The following ZNF438 variants were observed in gnomAD, a reference collection of about 807,000 sequenced individuals.
ZNF438 encodes the protein zinc finger protein 438.
Under a neutral mutation model 38.0 loss-of-function variants are expected in ZNF438, and 25 were observed. The ratio of observed to expected loss-of-function variants is 0.66; its 90% CI spans 0.48 to 0.92. The LOEUF (loss-of-function observed/expected upper bound fraction) is 0.92, where lower values mean the gene tolerates loss of function less well. ZNF438 is among the 40% of genes least tolerant of loss of function. The pLI is 0.00. For missense variants in ZNF438, 1,007 were observed against 999.6 expected, an observed-to-expected ratio of 1.01 and a Z score of -0.10; for synonymous variants, 372 against 364.1, an observed-to-expected ratio of 1.02 and a Z score of -0.25.
At chr10:31,010,438 G>A (rs1471212387) in intron 1 of ZNF438, among the ~76,000 whole-genome samples, 1 of 152,140 alleles carries the variant, frequency 6.6e-6, no homozygotes, top group Non-Finnish European at 1.5e-5. Context: ...ATCCTGGGAA[G>A]ACTAAAGACA....
At chr10:30,985,832 A>C (rs954941752) in intron 1 of ZNF438, among the ~76,000 whole-genome samples, 2 of 152,208 alleles carry the variant, frequency 1.3e-5, no homozygotes, top group East Asian at 3.8e-4. Context: ...TTAGCTGATC[A>C]AACATAACCT....
intron 3 of ZNF438, among the ~76,000 whole-genome samples, chr10:30,897,060 T>G (rs1466810268): frequency 6.6e-6 from 1 of 152,206 alleles, no homozygotes; most frequent in Non-Finnish European, 1.5e-5. Flanking sequence ...GTATACAATA[T>G]TCATACTAGA....
At position 31,023,572 on chromosome 10, in the gene ZNF438, C is replaced by T. The variant is rs149043628; in HGVS notation, c.-192+8261G>A. On this transcript the variant is annotated intron_variant, in intron 1 of 5. Transcript: ENST00000413025. Reference sequence around the variant, plus strand: ...CAAAATCAAAAGTATGTTATATTAGCGCCATAGCTAACATCAACATGTTTG... The same window carrying T: ...CAAAATCAAAAGTATGTTATATTAGTGCCATAGCTAACATCAACATGTTTG... Among the ~76,000 whole-genome samples, 522 of 152,246 alleles carry T rather than the reference C, an allele frequency of 3.4e-3. 2 individuals are homozygous for T. The highest frequency in any genetic ancestry group is 0.017 in the Middle Eastern group (5 of 294).
intron 4 of ZNF438, among the ~76,000 whole-genome samples, chr10:30,869,008 C>T (rs888454786): frequency 6.6e-6 from 1 of 152,214 alleles, no homozygotes; most frequent in Admixed American, 6.5e-5. Context: ...TGCTGCCAAA[C>T]GGCCACACTG....
At chr10:30,945,388 C>CTTTTTTTTTTTTTTTTTTT (rs61149961) in intron 1 of ZNF438, among the ~76,000 whole-genome samples, 1 of 141,124 alleles carries the variant, frequency 7.1e-6, no homozygotes, top group African/African-American at 2.6e-5. Context: ...GATTCTTTTA[C>CTTTTTTTTTTTTTTTTTTT]TTTTTTTTTT....
intron 4 of ZNF438, among the ~76,000 whole-genome samples, chr10:30,863,767 C>T (rs1015640834): frequency 3.3e-5 from 5 of 152,166 alleles, no homozygotes; most frequent in African/African-American, 7.2e-5. Context: ...AGCATCCACA[C>T]GCACTCCCCT....
chr10:30,874,060 T>G (rs988302693), intron 4 of ZNF438, among the ~76,000 whole-genome samples: 1 of 144,938 alleles, frequency 6.9e-6, no homozygotes, highest in African/African-American at 2.6e-5. Context: ...GTACATGCAA[T>G]TAAACAAATA....
intron 1 of ZNF438, among the ~76,000 whole-genome samples, chr10:31,026,360 C>T (rs1801282991): frequency 1.3e-5 from 2 of 150,576 alleles, no homozygotes. Flanking sequence ...GGGCTAATAT[C>T]CACAATCTAC....
intron 1 of ZNF438, among the ~76,000 whole-genome samples, chr10:30,964,774 A>G (rs1589455465): frequency 6.6e-6 from 1 of 152,200 alleles, no homozygotes; most frequent in Non-Finnish European, 1.5e-5. Flanking sequence ...AGGACCTACC[A>G]TTACAGATTA....
At chr10:30,856,372 TTTTTGTTTTG>T (rs201231182) in intron 4 of ZNF438, among the ~76,000 whole-genome samples, 1 of 152,160 alleles carries the variant, frequency 6.6e-6, no homozygotes, top group African/African-American at 2.4e-5. Flanking sequence ...AACTCGTGTT[TTTTTGTTTTG>T]TTTTGTTTTG....
At chr10:30,919,556 A>G (rs2044048110) in intron 2 of ZNF438, 1 of 151,918 alleles carries the variant, frequency 6.6e-6, no homozygotes, top group Admixed American at 6.6e-5. Context: ...AAAATTTCTC[A>G]TTTCTTTTGC....
chr10:30,995,417 T>C (rs2053945646), intron 1 of ZNF438, among the ~76,000 whole-genome samples: 1 of 152,214 alleles, frequency 6.6e-6, no homozygotes, highest in African/African-American at 2.4e-5. Flanking sequence ...TACTGTGTTT[T>C]TAAAATAAAG....
At chr10:31,008,266 T>G (rs1327552386) in intron 1 of ZNF438, among the ~76,000 whole-genome samples, 1 of 150,298 alleles carries the variant, frequency 6.7e-6, no homozygotes, top group Non-Finnish European at 1.5e-5. Context: ...ATTACCTCAC[T>G]TCTTCTTTTT....
chr10:30,964,063 G>A (rs1044408965), intron 1 of ZNF438, among the ~76,000 whole-genome samples: 5 of 152,096 alleles, frequency 3.3e-5, no homozygotes, highest in South Asian at 2.1e-4. Context: ...GCATGTCCTA[G>A]GTGGAAGCTT....
At chr10:30,849,144 C>G (rs1434047234) in exon 5 of ZNF438, 2 of 1,613,654 alleles carry the variant, frequency 1.2e-6, no homozygotes, top group Non-Finnish European at 1.7e-6. Flanking sequence ...TCTCTGAATT[C>G]TTGGGGATCA....
chr10:30,857,537 G>A (rs1054810748), intron 4 of ZNF438: 1 of 591,530 alleles, frequency 1.7e-6, no homozygotes, highest in Non-Finnish European at 2.8e-6. Context: ...TTACAGGTAT[G>A]AGCCACCCCA....
intron 2 of ZNF438, among the ~76,000 whole-genome samples, chr10:30,914,376 T>C (rs2043378100): frequency 6.6e-6 from 1 of 152,016 alleles, no homozygotes; most frequent in Admixed American, 6.6e-5. Context: ...ATCTTTGTGA[T>C]GGAAATGTTC....
intron 2 of ZNF438, among the ~76,000 whole-genome samples, chr10:30,940,995 T>C (rs2046762983): frequency 6.6e-6 from 1 of 152,294 alleles, no homozygotes; most frequent in East Asian, 1.9e-4. Context: ...TTGATACAAA[T>C]ACAAGGATGA....
At position 30,907,761 on chromosome 10, in the gene ZNF438, C is replaced by T. The variant is rs557494458; in HGVS notation, c.-32+1172G>A. ...CCAAAGGTTCATTAATTTTGCTGAT[C>T]TTTCAAAGAACCAACTTTTGCTTTT... On this transcript the variant is annotated intron_variant, in intron 3 of 5. Transcript: ENST00000413025. Among the ~76,000 whole-genome samples, 55 of 152,118 alleles carry T rather than the reference C, an allele frequency of 3.6e-4. No individual in the cohort carries two copies. The South Asian group carries it at 9.6e-3, about 26-fold the overall frequency.
Sources: gnomAD v4.1 joint callset for allele counts (sites outside exome capture counted in the v4.1 genomes callset) on GRCh38, gnomAD v4.1.1 for gene constraint, MANE v1.5 for transcripts, NCBI Gene and HGNC (gene_info 2026-07-23, HGNC 2026-07-21) for gene names.